The following VGLL3 variants were observed in gnomAD, a reference collection of about 807,000 sequenced individuals.
The protein encoded by VGLL3 is transcription cofactor vestigial-like protein 3.
A neutral mutation model predicts 29.2 loss-of-function variants in VGLL3; 18 were observed. The ratio of observed to expected loss-of-function variants is 0.62; its 90% CI spans 0.43 to 0.91. The LOEUF (loss-of-function observed/expected upper bound fraction) is 0.91. Among genes scored for constraint, VGLL3 ranks in the 40% least tolerant of loss-of-function variants. The probability of loss-of-function intolerance (pLI) is 0.00; values close to 1 mark genes in which losing one functional copy is unlikely to be tolerated. For synonymous variants in VGLL3, 180 were observed against 151.8 expected (o/e 1.19, Z -1.36); for missense variants, 440 against 413.2 (o/e 1.06, Z -0.56).
intron 3 of VGLL3, among the ~76,000 whole-genome samples, chr3:86,963,356 T>A (rs959878826): frequency 6.6e-6 from 1 of 152,194 alleles, no homozygotes; most frequent in African/African-American, 2.4e-5. Flanking sequence ...ATCATATAAT[T>A]CCATTTGTAT....
At chr3:86,951,435 C>G (rs773600012) in intron 3 of VGLL3, among the ~76,000 whole-genome samples, 1 of 152,062 alleles carries the variant, frequency 6.6e-6, no homozygotes, top group Non-Finnish European at 1.5e-5. Context: ...AAAGCTCTGC[C>G]CTCATGACCT....
chr3:86,971,642 C>T (rs1023991164), intron 2 of VGLL3, among the ~76,000 whole-genome samples: 6 of 152,138 alleles, frequency 3.9e-5, no homozygotes, highest in African/African-American at 1.2e-4. Context: ...AATTAACAAT[C>T]GTCTCTTTGC....
At position 86,968,896 on chromosome 3, in the gene VGLL3, A is replaced by T; in HGVS notation, c.631T>A (p.Leu211Met). ...TAGGATGGGCTCACCTGAGATGTCA[A>T]AGGATAAGGCCAGGACTCAGACACA... ...PAVSESWPYP[L>M]TSQVSPSYSH... Residue 211 changes from leucine to methionine, a missense_variant, in exon 3 of 4, where the codon TTG becomes ATG. Leu to Met is a conservative substitution (Grantham distance 15). Coordinates refer to ENST00000398399, the MANE Select transcript of VGLL3 (RefSeq NM_016206.4). The T allele has an allele frequency of 1.2e-6, 2 of 1,614,084 alleles. No individual in the cohort carries two copies. Among genetic ancestry groups the T allele is most frequent in the South Asian group, 2.2e-5 (2 of 91,076 alleles).
intron 3 of VGLL3, among the ~76,000 whole-genome samples, chr3:86,965,767 C>A (rs982842060): frequency 2.6e-5 from 4 of 152,140 alleles, no homozygotes; most frequent in Non-Finnish European, 5.9e-5. Flanking sequence ...AAAAGCCCAA[C>A]CCCCTTGACC....
intron 3 of VGLL3, chr3:86,962,104 G>A: frequency 4.1e-6 from 4 of 985,202 alleles, no homozygotes; most frequent in Non-Finnish European, 4.8e-6. Flanking sequence ...TTTAAAGACT[G>A]ATAAAGGAAA....
At position 86,990,761 on chromosome 3, in the gene VGLL3, C is replaced by A; in HGVS notation, c.-18G>T. ...CAACTCATGGCAGCCGGGGCAGTGG[C>A]GGCCCCCGAGCTGCCGCCGCCGCTC... On this transcript the variant is annotated 5_prime_UTR_variant, in exon 1 of 4. Coordinates refer to ENST00000398399, the MANE Select transcript of VGLL3 (RefSeq NM_016206.4). 1 of 1,211,116 alleles carries A rather than the reference C, an allele frequency of 8.3e-7. No homozygotes were observed. The allele number at this position is 1,211,116 out of a possible 1,614,324, so 75.0% of individuals were successfully genotyped here.
chr3:86,977,887 T>C (rs1186129315), intron 2 of VGLL3, among the ~76,000 whole-genome samples: 1 of 152,224 alleles, frequency 6.6e-6, no homozygotes, highest in African/African-American at 2.4e-5. Context: ...AATAATTTTC[T>C]ATGAGTCAGA....
rs1434566257 is a variant in VGLL3 at position 86,990,717 on chromosome 3, G to A, written c.27C>T (p.His9=). 2 of 1,414,014 alleles carry A rather than the reference G, an allele frequency of 1.4e-6. No homozygotes were observed. The highest frequency in any genetic ancestry group is 2.8e-5 in the East Asian group (1 of 35,224). The allele number at this position is 1,414,014 out of a possible 1,614,324, so 87.6% of individuals were successfully genotyped here. MSCAEVMY[H]PQPYGASQYL... ...ACTGGGACGCTCCATAAGGCTGGGG[G>A]TGATACATCACCTCCGCACAACTCA... The change falls in exon 1 of 4, where the codon CAC becomes CAT. Residue 9 remains histidine, a synonymous_variant. Coordinates refer to ENST00000398399, the MANE Select transcript of VGLL3 (RefSeq NM_016206.4).
At chr3:86,976,091 G>A (rs948763852) in intron 2 of VGLL3, among the ~76,000 whole-genome samples, 1 of 151,980 alleles carries the variant, frequency 6.6e-6, no homozygotes, top group Non-Finnish European at 1.5e-5. Context: ...TCCAGCCTGG[G>A]TGACAAGAGC....
intron 3 of VGLL3, among the ~76,000 whole-genome samples, chr3:86,950,525 A>T (rs542979553): frequency 6.6e-6 from 1 of 152,212 alleles, no homozygotes; most frequent in Non-Finnish European, 1.5e-5. Flanking sequence ...CTGTAGCCTA[A>T]GTCAAAATTA....
In VGLL3 at chr3:86,939,182, C is replaced by A. The variant is rs1704340365; in HGVS notation, c.*7842G>T. 6.6e-6 allele frequency: 1 copy of A among 152,178 alleles called. No individual in the cohort carries two copies. The highest frequency in any genetic ancestry group is 1.5e-5 in the Non-Finnish European group (1 of 68,030). The allele number at this position is 152,178 out of a possible 1,614,324, so 9.4% of individuals were successfully genotyped here. On this transcript the variant is annotated 3_prime_UTR_variant, in exon 4 of 4. Coordinates refer to ENST00000398399, the MANE Select transcript of VGLL3 (RefSeq NM_016206.4). ...CGCAAACATTATGACTTGCTACTCC[C>A]AGTGAAATAGTCCTTCTCGATTACA...
chr3:86,972,178 G>T (rs1265010373), intron 2 of VGLL3, among the ~76,000 whole-genome samples: 1 of 152,018 alleles, frequency 6.6e-6, no homozygotes, highest in Non-Finnish European at 1.5e-5. Flanking sequence ...AAATATTATT[G>T]GTCTATTTAT....
At chr3:86,989,694 C>T (rs1559737209) in intron 1 of VGLL3, among the ~76,000 whole-genome samples, 1 of 152,106 alleles carries the variant, frequency 6.6e-6, no homozygotes, top group Non-Finnish European at 1.5e-5. Context: ...TCCGCCCACC[C>T]TAATTCCCAT....
In VGLL3 at chr3:86,938,466, G is replaced by A. The variant is rs1295782904; in HGVS notation, c.*8558C>T. The A allele has an allele frequency of 6.6e-6, 1 of 152,608 alleles. No homozygotes were observed. Among genetic ancestry groups the A allele is most frequent in the African/African-American group, 2.4e-5 (1 of 41,456 alleles). The allele number at this position is 152,608 out of a possible 1,614,324, so 9.5% of individuals were successfully genotyped here. A position where few individuals can be genotyped will look rare whatever the true frequency, so the allele number is the denominator to read the frequency against. Reference sequence around the variant, plus strand: ...GAAAGGATAGAGTGTCATGCTTAAAGGGGAACAGATTTTGTATTTTTTGGC... The same window carrying A: ...GAAAGGATAGAGTGTCATGCTTAAAAGGGAACAGATTTTGTATTTTTTGGC... On this transcript the variant is annotated 3_prime_UTR_variant, in exon 4 of 4. Transcript: ENST00000398399.
chr3:86,970,575 C>A (rs1166793264), intron 2 of VGLL3, among the ~76,000 whole-genome samples: 1 of 151,180 alleles, frequency 6.6e-6, no homozygotes, highest in Non-Finnish European at 1.5e-5. Context: ...CAGAAGGTGG[C>A]AACAGAAAAA....
intron 3 of VGLL3, among the ~76,000 whole-genome samples, chr3:86,958,261 A>G (rs1189681506): frequency 6.6e-6 from 1 of 152,192 alleles, no homozygotes; most frequent in African/African-American, 2.4e-5. Context: ...TCATAGGAGT[A>G]AGAATGCTCA....
chr3:86,954,299 C>T (rs1332395896), intron 3 of VGLL3, among the ~76,000 whole-genome samples: 1 of 152,190 alleles, frequency 6.6e-6, no homozygotes, highest in African/African-American at 2.4e-5. Flanking sequence ...CTGAGGGAAA[C>T]ATTGCAGGTG....
intron 2 of VGLL3, among the ~76,000 whole-genome samples, chr3:86,974,421 G>A (rs907102529): frequency 6.6e-6 from 1 of 152,134 alleles, no homozygotes; most frequent in South Asian, 2.1e-4. Context: ...CGCCCAGCTA[G>A]TTAGGTTTTC....
At chr3:86,951,504 A>G (rs1704616969) in intron 3 of VGLL3, among the ~76,000 whole-genome samples, 1 of 152,196 alleles carries the variant, frequency 6.6e-6, no homozygotes, top group Admixed American at 6.5e-5. Flanking sequence ...AGATTTCAAC[A>G]TATGAATTTG....
Sources: allele counts gnomAD v4.1 joint callset (sites outside exome capture counted in the v4.1 genomes callset), GRCh38; gene constraint gnomAD v4.1.1; transcripts MANE v1.5; gene names NCBI Gene and HGNC (gene_info 2026-07-23, HGNC 2026-07-21).